PKD2: variants seen among roughly 807,000 people sequenced by gnomAD.
The protein encoded by PKD2 is polycystin-2.
PKD2 carries 48 observed loss-of-function variants against 105.9 expected under a neutral mutation model. The ratio of observed to expected loss-of-function variants is 0.45; its 90% CI spans 0.36 to 0.58. PKD2 has a LOEUF of 0.58. PKD2 is among the 20% of genes least tolerant of loss of function. The pLI, the probability that PKD2 is intolerant of heterozygous loss-of-function variation, is 0.00. For synonymous variants in PKD2, 464 were observed against 481.1 expected (o/e 0.96, Z 0.46); for missense variants, 1,078 against 1,255.3 (o/e 0.86, Z 2.13).
intron 10 of PKD2, among the ~76,000 whole-genome samples, chr4:88,064,567 T>C (rs1212611985): frequency 2.6e-5 from 4 of 152,152 alleles, no homozygotes; most frequent in Non-Finnish European, 5.9e-5. Flanking sequence ...CCGCACTATG[T>C]GCAAAGCAAG....
chr4:88,019,708 A>G, intron 2 of PKD2, 137 bp downstream of exon 2: 1 of 680,650 alleles, frequency 1.5e-6, no homozygotes, highest in Non-Finnish European at 2.7e-6. Flanking sequence ...TTTAATTCTA[A>G]TATTTTTATT....
At chr4:88,057,754 A>G (rs950209222) in intron 8 of PKD2, among the ~76,000 whole-genome samples, 1 of 152,160 alleles carries the variant, frequency 6.6e-6, no homozygotes, top group Non-Finnish European at 1.5e-5. Context: ...TTTTAACCAA[A>G]TGGAAATAAC....
chr4:88,068,029 T>C lies in PKD2; in HGVS notation c.2490T>C (p.Ile830=), dbSNP rs1181948090. ...ATAGCTCCAGAAGGAGGGGAAGCAT[T>C]TCTAGTGGCGTTTCTTACGAAGAGT... ...SGHSSRRRGS[I]SSGVSYEEFQ... Residue 830 remains isoleucine (I), a synonymous_variant, in exon 13 of 15, where the codon ATT becomes ATC. Transcript: ENST00000237596. 3 of 1,613,970 alleles carry C rather than the reference T, an allele frequency of 1.9e-6. No homozygotes were observed. The highest frequency in any genetic ancestry group is 3.3e-5 in the Admixed American group (2 of 59,996).
rs748855749 is a variant in PKD2 at position 88,075,541 on chromosome 4, C to T, written c.2754C>T (p.Ser918=). ...GTGAAGAGTTGGAACGCTGGGAATCCGATGATGCAGCTTCCCAGATCAGTC... is the reference window on the plus strand; with the variant it reads ...GTGAAGAGTTGGAACGCTGGGAATCTGATGATGCAGCTTCCCAGATCAGTC... ...LVREELERWE[S]DDAASQISHG... Residue 918 remains serine, a synonymous_variant, in exon 15 of 15, where the codon TCC becomes TCT. Coordinates refer to ENST00000237596, the MANE Select transcript of PKD2 (RefSeq NM_000297.4). The T allele has an allele frequency of 2.3e-5, 37 of 1,613,878 alleles. No homozygotes were observed. The highest frequency in any genetic ancestry group is 1.6e-4 in the Middle Eastern group (1 of 6,084).
Position 88,067,967 on chromosome 4 carries a change from G to A in PKD2, c.2428G>A (p.Asp810Asn), listed in dbSNP as rs775470869. ...CAGCCGAAGTTTCCCTCGAAGCCTG[G>A]ATGACTCTGAGGAGGATGACGATGA... ...MSSRSFPRSL[D>N]DSEEDDDEDS... The change falls in exon 13 of 15, where the codon GAT (aspartate) becomes AAT (asparagine). Residue 810 changes from aspartate (D) to asparagine (N), a missense_variant. Asp to Asn is a conservative substitution (Grantham distance 23, BLOSUM62 1). Around this residue, in one of 2 missense-constraint regions of PKD2, gnomAD observed 868 missense variants for 1,067.3 expected, o/e 0.81. Coordinates refer to ENST00000237596, the MANE Select transcript of PKD2 (RefSeq NM_000297.4). The A allele has an allele frequency of 1.4e-5, 22 of 1,613,734 alleles. No individual in the cohort carries two copies. Among genetic ancestry groups the A allele is most frequent in the Non-Finnish European group, 1.8e-5 (21 of 1,179,726 alleles).
intron 2 of PKD2, among the ~76,000 whole-genome samples, chr4:88,030,853 T>C (rs921460929): frequency 1.5e-4 from 23 of 152,260 alleles, no homozygotes; most frequent in African/African-American, 5.3e-4. Context: ...TTCCATTTCT[T>C]GTTCACTAGG....
At position 88,024,626 on chromosome 4, in the gene PKD2, A is replaced by G. The variant is rs149064311; in HGVS notation, c.709+5055A>G. 5.4e-3 allele frequency among the ~76,000 whole-genome samples: 825 copies of G among 152,216 alleles called. 6 individuals are homozygous for G. The highest frequency in any genetic ancestry group is 0.019 in the African/African-American group (786 of 41,542). On this transcript the variant is annotated intron_variant, in intron 2 of 14. Transcript: ENST00000237596. ...AAAATTGAGTAAAAAATCTATATATAGTTTAAACACATTAATAGAAATCAC... is the reference window on the plus strand; with the variant it reads ...AAAATTGAGTAAAAAATCTATATATGGTTTAAACACATTAATAGAAATCAC...
intron 6 of PKD2, among the ~76,000 whole-genome samples, chr4:88,049,849 C>G (rs1265655461): frequency 2.0e-5 from 3 of 151,970 alleles, no homozygotes; most frequent in Admixed American, 6.6e-5. Flanking sequence ...CTGCATCAGT[C>G]AGCCATTTGT....
intron 2 of PKD2, among the ~76,000 whole-genome samples, chr4:88,030,966 C>T (rs1301142846): frequency 3.3e-5 from 5 of 152,250 alleles, no homozygotes; most frequent in Non-Finnish European, 4.4e-5. Flanking sequence ...CATTTATATA[C>T]TGATGGTCCC....
At chr4:88,058,210 G>A in intron 9 of PKD2, 107 bp downstream of exon 9, 1 of 752,506 alleles carries the variant, frequency 1.3e-6, no homozygotes, top group African/African-American at 1.8e-5. Context: ...AAAGACCCAG[G>A]AAGTAGAAAA....
At chr4:88,028,199 G>GTTTCC (rs1727024948) in intron 2 of PKD2, among the ~76,000 whole-genome samples, 1 of 152,144 alleles carries the variant, frequency 6.6e-6, no homozygotes, top group Non-Finnish European at 1.5e-5. Context: ...TTCTGAAAAA[G>GTTTCC]AAAGGAATAT....
chr4:88,051,904 T>C, intron 6 of PKD2, 87 bp from the exon 7 acceptor site: 1 of 726,216 alleles, frequency 1.4e-6, no homozygotes, highest in South Asian at 1.7e-5. Flanking sequence ...AATTAATACA[T>C]TGGTGAAGAA....
chr4:88,059,745 GTACATACATACA>G (rs35787437), intron 9 of PKD2, among the ~76,000 whole-genome samples: 14 of 150,108 alleles, frequency 9.3e-5, no homozygotes, highest in South Asian at 2.1e-4. Context: ...ACATACATAC[GTACATACATACA>G]TACATACATA....
chr4:88,017,335 C>T (rs887524705), intron 1 of PKD2, among the ~76,000 whole-genome samples: 2 of 152,176 alleles, frequency 1.3e-5, no homozygotes, highest in Non-Finnish European at 2.9e-5. Flanking sequence ...CATAAGAAGA[C>T]TTGTTTCTTT....
intron 4 of PKD2, among the ~76,000 whole-genome samples, chr4:88,040,409 T>C (rs531174140): frequency 2.6e-4 from 39 of 152,332 alleles, no homozygotes; most frequent in African/African-American, 8.9e-4. Flanking sequence ...AAATATGTGC[T>C]GGATGCATTC....
intron 1 of PKD2, 51 bp downstream of exon 1, chr4:88,008,379 G>T (rs750052114): frequency 6.8e-7 from 1 of 1,474,864 alleles, no homozygotes; most frequent in South Asian, 1.3e-5. Context: ...AACGGCCGGC[G>T]CCGGCCGGGG....
chr4:88,059,337 A>T (rs1720474719), intron 9 of PKD2, among the ~76,000 whole-genome samples: 1 of 152,192 alleles, frequency 6.6e-6, no homozygotes, highest in Admixed American at 6.5e-5. Context: ...AACAATGGAG[A>T]GAAGAATAAG....
At chr4:88,062,621 T>A (rs533345649) in intron 10 of PKD2, among the ~76,000 whole-genome samples, 4 of 152,254 alleles carry the variant, frequency 2.6e-5, no homozygotes, top group African/African-American at 9.6e-5. Flanking sequence ...GTAACTTCTT[T>A]ATTTGGTTTA....
At chr4:88,067,433 C>T (rs192751314) in intron 12 of PKD2, among the ~76,000 whole-genome samples, 10 of 152,214 alleles carry the variant, frequency 6.6e-5, no homozygotes, top group Admixed American at 3.3e-4. Context: ...AGTGATCTTC[C>T]GACCTCAACC....
Sources: allele counts gnomAD v4.1 joint callset (sites outside exome capture counted in the v4.1 genomes callset), GRCh38; gene constraint gnomAD v4.1.1; regional missense constraint gnomAD v4.1.1; transcripts MANE v1.5; gene names NCBI Gene and HGNC (gene_info 2026-07-23, HGNC 2026-07-21).